Variants in SLC51A observed in about 807,000 individuals in gnomAD.
The protein encoded by SLC51A is organic solute transporter subunit alpha.
SLC51A carries 22 observed loss-of-function variants against 34.8 expected under a neutral mutation model. The observed-to-expected ratio is 0.63, with a 90% CI of 0.45 to 0.90. The LOEUF is 0.90. SLC51A is among the 40% of genes least tolerant of loss of function. SLC51A has a pLI of 0.00. For missense variants in SLC51A, 371 were observed against 414.8 expected, an observed-to-expected ratio of 0.89 and a Z score of 0.92; for synonymous variants, 181 against 176.3, an observed-to-expected ratio of 1.03 and a Z score of -0.21.
chr3:196,228,633 A>C lies in SLC51A; in HGVS notation c.522-176A>C, dbSNP rs149451964. ...TTGTCTGGAGGTGAGTGGGAGACCA[A>C]GAGGGTTCCCAGCACTCTCAACATT... On this transcript the variant is annotated intron_variant, in intron 5 of 8. Coordinates refer to ENST00000296327, the MANE Select transcript of SLC51A (RefSeq NM_152672.6). This position sits in a 1 kb window ranked among gnomAD's most constrained non-coding sequence, Gnocchi z 4.9. 9.7e-4 allele frequency: 609 copies of C among 626,998 alleles called. 6 individuals carry two copies. In the African/African-American group the frequency reaches 0.01, roughly 10 times the overall value. 38.8% of individuals were successfully genotyped at this position (626,998 alleles called of 1,614,324 possible). A position where few individuals can be genotyped will look rare whatever the true frequency, so the allele number is the denominator to read the frequency against.
At chr3:196,219,467 T>G (rs976416871) in intron 2 of SLC51A, among the ~76,000 whole-genome samples, 7 of 152,224 alleles carry the variant, frequency 4.6e-5, no homozygotes, top group Non-Finnish European at 5.9e-5. Context: ...AACAGGAAGC[T>G]CTCAGTGTGC....
At chr3:196,226,804 A>G (rs897891884) in intron 2 of SLC51A, among the ~76,000 whole-genome samples, 161 bp from the exon 3 acceptor site, 1 of 151,350 alleles carries the variant, frequency 6.6e-6, no homozygotes, top group Admixed American at 6.6e-5. Flanking sequence ...AAGAAAAAAA[A>G]AAGACTATTT....
chr3:196,222,710 C>T (rs1723794425), intron 2 of SLC51A, among the ~76,000 whole-genome samples: 1 of 151,474 alleles, frequency 6.6e-6, no homozygotes, highest in Admixed American at 6.6e-5. Flanking sequence ...TGTAAATTAG[C>T]AGATTAAAAA....
chr3:196,229,157 T>G (rs1326078984), intron 6 of SLC51A, among the ~76,000 whole-genome samples: 1 of 152,126 alleles, frequency 6.6e-6, no homozygotes, highest in African/African-American at 2.4e-5. Context: ...GGTGCCATGA[T>G]GCATGGCTCA....
Position 196,217,943 on chromosome 3 carries a change from G to A in SLC51A, c.133+7G>A. 2 of 1,610,064 alleles carry A rather than the reference G, an allele frequency of 1.2e-6. No homozygotes were observed. Among genetic ancestry groups the A allele is most frequent in the Non-Finnish European group, 1.7e-6 (2 of 1,177,942 alleles). On this transcript the variant is annotated splice_region_variant and intron_variant, in intron 2 of 8. Transcript: ENST00000296327. ...GCAGCCCAACTCCTGAGAGGTGAGT[G>A]GGGACCCTCCTCAGAGGGAACTGAG...
chr3:196,228,142 G>A lies in SLC51A; in HGVS notation c.390G>A (p.Leu130=). 1 of 1,614,114 alleles carries A rather than the reference G, an allele frequency of 6.2e-7. No individual in the cohort carries two copies. The highest frequency in any genetic ancestry group is 1.1e-5 in the South Asian group (1 of 91,074). The part of the protein sequence containing the change: ...TSFYAVCFYL[L]MLVMVEGFGG... ...TTTATGCCGTGTGCTTTTACCTGCTGATGCTGGTCATGGTGGAAGGCTTTG... is the reference window on the plus strand; with the variant it reads ...TTTATGCCGTGTGCTTTTACCTGCTAATGCTGGTCATGGTGGAAGGCTTTG... The change falls in exon 5 of 9, where the codon CTG becomes CTA. Residue 130 remains leucine (L), a synonymous_variant. Transcript: ENST00000296327. The surrounding 1 kb of genome is among the most constrained non-coding windows in gnomAD (Gnocchi z 4.9).
chr3:196,227,259 C>A, intron 3 of SLC51A, 140 bp downstream of exon 3: 1 of 811,698 alleles, frequency 1.2e-6, no homozygotes, highest in African/African-American at 1.7e-5. Context: ...TGCAGGCCGA[C>A]CTCCCCTTGC....
At chr3:196,220,895 T>C (rs1723739353) in intron 2 of SLC51A, among the ~76,000 whole-genome samples, 3 of 149,612 alleles carry the variant, frequency 2.0e-5, no homozygotes. Flanking sequence ...TTTTTCTTTT[T>C]TTTTTTTTTT....
chr3:196,220,953 G>A (rs529112327), intron 2 of SLC51A, among the ~76,000 whole-genome samples: 6 of 148,986 alleles, frequency 4.0e-5, no homozygotes, highest in Admixed American at 1.4e-4. Flanking sequence ...GCAGTGGTGC[G>A]ATCTCGGCTT....
At chr3:196,229,689 T>TTAAAAAAAAAA (rs535000501) in intron 6 of SLC51A, among the ~76,000 whole-genome samples, 2 of 135,598 alleles carry the variant, frequency 1.5e-5, no homozygotes, top group East Asian at 5.0e-4. Flanking sequence ...TCTCTATTAT[T>TTAAAAAAAAAA]AAAAAAAAAA....
Position 196,228,423 on chromosome 3 carries a change from C to T in SLC51A, c.521+150C>T, listed in dbSNP as rs577065989. On this transcript the variant is annotated intron_variant, in intron 5 of 8. Transcript: ENST00000296327. This position sits in a 1 kb window ranked among gnomAD's most constrained non-coding sequence, Gnocchi z 4.9. Reference sequence around the variant, plus strand: ...CACGGCCAGGACCCACGGGCGCCACCCTCAGGGGACAGGGGAGCAGAGGAA... The same window carrying T: ...CACGGCCAGGACCCACGGGCGCCACTCTCAGGGGACAGGGGAGCAGAGGAA... The T allele has an allele frequency of 3.9e-4, 380 of 985,420 alleles. 8 individuals carry two copies. In the South Asian group the frequency reaches 4.7e-3, roughly 12 times the overall value. The allele number at this position is 985,420 out of a possible 1,614,324, so 61.0% of individuals were successfully genotyped here. A position where few individuals can be genotyped will look rare whatever the true frequency, so the allele number is the denominator to read the frequency against.
intron 6 of SLC51A, among the ~76,000 whole-genome samples, chr3:196,229,689 T>TAAAAAAAAAAAAAAAAAAA (rs77390915): frequency 7.4e-6 from 1 of 135,596 alleles, no homozygotes; most frequent in Non-Finnish European, 1.6e-5. Context: ...TCTCTATTAT[T>TAAAAAAAAAAAAAAAAAAA]AAAAAAAAAA....
rs958614984 is a variant in SLC51A at position 196,229,842 on chromosome 3, C to T, written c.634-73C>T. Reference sequence around the variant, plus strand: ...CACTTTCAGCTGGGTGACAGAGTGACACCATCTCTTGAAAGAGAGAGAGAG... The same window carrying T: ...CACTTTCAGCTGGGTGACAGAGTGATACCATCTCTTGAAAGAGAGAGAGAG... On this transcript the variant is annotated intron_variant, in intron 6 of 8. Coordinates refer to ENST00000296327, the MANE Select transcript of SLC51A (RefSeq NM_152672.6). 1.1e-5 allele frequency: 16 copies of T among 1,507,080 alleles called. No individual in the cohort carries two copies. In the Admixed American group the frequency reaches 1.2e-4, roughly 12 times the overall value. 93.4% of individuals were successfully genotyped at this position (1,507,080 alleles called of 1,614,324 possible). A position where few individuals can be genotyped will look rare whatever the true frequency, so the allele number is the denominator to read the frequency against.
At chr3:196,229,632 C>T (rs944290016) in intron 6 of SLC51A, among the ~76,000 whole-genome samples, 77 of 151,060 alleles carry the variant, frequency 5.1e-4, no homozygotes, top group African/African-American at 1.8e-3. Context: ...CCGCCTCTGC[C>T]TCCCAAAGTG....
chr3:196,226,932 C>T (rs758532020), intron 2 of SLC51A, 33 bp from the exon 3 acceptor site: 38 of 1,586,720 alleles, frequency 2.4e-5, no homozygotes, highest in South Asian at 1.2e-4. Flanking sequence ...CGCTCAGTCC[C>T]GGTCGTCAGC....
chr3:196,224,927 A>T (rs567768298), intron 2 of SLC51A, among the ~76,000 whole-genome samples: 2 of 152,250 alleles, frequency 1.3e-5, no homozygotes, highest in South Asian at 4.2e-4. Flanking sequence ...CTCAGAAAAG[A>T]TAGAAAAAAG....
intron 2 of SLC51A, among the ~76,000 whole-genome samples, chr3:196,220,317 C>T (rs1560151558): frequency 1.3e-5 from 2 of 152,218 alleles, no homozygotes; most frequent in African/African-American, 4.8e-5. Flanking sequence ...AGGGATGCGG[C>T]CGGACACCGT....
chr3:196,229,492 C>A (rs1723978771), intron 6 of SLC51A, among the ~76,000 whole-genome samples: 1 of 151,282 alleles, frequency 6.6e-6, no homozygotes, highest in East Asian at 2.0e-4. Flanking sequence ...ATTCTCCTAC[C>A]TCAGCCTCCT....
intron 2 of SLC51A, among the ~76,000 whole-genome samples, chr3:196,220,894 T>TTC (rs1198609003): frequency 1.3e-4 from 20 of 149,054 alleles, no homozygotes; most frequent in Admixed American, 1.3e-3. Context: ...ATTTTTCTTT[T>TTC]TTTTTTTTTT....
Sources: allele counts gnomAD v4.1 joint callset (sites outside exome capture counted in the v4.1 genomes callset), GRCh38; gene constraint gnomAD v4.1.1; non-coding constraint Gnocchi (gnomAD v3.1); transcripts MANE v1.5; gene names NCBI Gene and HGNC (gene_info 2026-07-23, HGNC 2026-07-21).